The following DLGAP1 variants were observed in gnomAD, a reference collection of about 807,000 sequenced individuals.
The protein encoded by DLGAP1 is DLG associated protein 1.
DLGAP1 carries 11 observed loss-of-function variants against 90.8 expected under a neutral mutation model. That is an observed-to-expected ratio of 0.12 (90% confidence interval 0.08 to 0.20). The LOEUF is 0.20. Ranked by LOEUF, DLGAP1 falls within the 10% of genes least tolerant of loss-of-function variation. The pLI, the probability that DLGAP1 is intolerant of heterozygous loss-of-function variation, is 1.00. For missense variants in DLGAP1, 1,050 were observed against 1,333.8 expected (o/e 0.79, Z 3.31); for synonymous variants, 558 against 540.7 (o/e 1.03, Z -0.44).
At chr18:3,633,206 G>A (rs2058585369) in intron 7 of DLGAP1, among the ~76,000 whole-genome samples, 2 of 152,050 alleles carry the variant, frequency 1.3e-5, no homozygotes, top group East Asian at 3.8e-4. Context: ...GACCATCCTG[G>A]CCAACATGGT....
At chr18:3,538,212 A>C (rs1022789054) in intron 9 of DLGAP1, among the ~76,000 whole-genome samples, 1 of 152,282 alleles carries the variant, frequency 6.6e-6, no homozygotes, top group East Asian at 1.9e-4. Context: ...GATCTGTGTC[A>C]GTTATTAAGA....
At chr18:3,896,492 C>T (rs927633919) in intron 3 of DLGAP1, 13 of 152,158 alleles carry the variant, frequency 8.5e-5, no homozygotes, top group South Asian at 2.1e-4. Flanking sequence ...CCAGCTTAAA[C>T]ATTTGATGTT....
intron 7 of DLGAP1, among the ~76,000 whole-genome samples, chr18:3,687,538 A>C (rs1265158950): frequency 6.6e-6 from 1 of 152,238 alleles, no homozygotes; most frequent in Non-Finnish European, 1.5e-5. Context: ...ACAAATTTAA[A>C]ATCCTTGAGA....
At chr18:4,021,375 G>A (rs2074605595) in intron 2 of DLGAP1, among the ~76,000 whole-genome samples, 1 of 152,068 alleles carries the variant, frequency 6.6e-6, no homozygotes, top group East Asian at 1.9e-4. Context: ...AAAAGTGTGT[G>A]GTACCTCCCA....
intron 7 of DLGAP1, among the ~76,000 whole-genome samples, chr18:3,712,443 G>A (rs1377976722): frequency 1.3e-5 from 2 of 152,186 alleles, no homozygotes; most frequent in Non-Finnish European, 2.9e-5. Context: ...AGTCTCACCT[G>A]GGGCTCATGC....
At chr18:4,428,855 T>C (rs1598406311) in intron 1 of DLGAP1, among the ~76,000 whole-genome samples, 1 of 152,020 alleles carries the variant, frequency 6.6e-6, no homozygotes. Context: ...GAAAGTGGGG[T>C]TCTAGGGTTT....
intron 8 of DLGAP1, chr18:3,580,650 C>A (rs1282024736): frequency 6.2e-7 from 1 of 1,604,988 alleles, no homozygotes; most frequent in Non-Finnish European, 8.5e-7. Flanking sequence ...GACCCAGAGG[C>A]GAGGAGATTG....
At chr18:3,718,523 T>C (rs1338354652) in intron 7 of DLGAP1, among the ~76,000 whole-genome samples, 1 of 152,066 alleles carries the variant, frequency 6.6e-6, no homozygotes, top group Non-Finnish European at 1.5e-5. Flanking sequence ...TGCCCAACTA[T>C]CCACCTCTAA....
intron 4 of DLGAP1, among the ~76,000 whole-genome samples, chr18:3,852,571 G>A (rs1185673076): frequency 2.6e-5 from 4 of 152,108 alleles, no homozygotes; most frequent in Non-Finnish European, 4.4e-5. Flanking sequence ...GAGAAATGTC[G>A]GCAAAAGAAC....
chr18:3,842,891 G>A (rs1169743861), intron 4 of DLGAP1, among the ~76,000 whole-genome samples: 2 of 152,148 alleles, frequency 1.3e-5, no homozygotes, highest in Non-Finnish European at 2.9e-5. Flanking sequence ...TAATAACCAA[G>A]TCCAGTGATA....
intron 2 of DLGAP1, among the ~76,000 whole-genome samples, chr18:4,028,182 T>C (rs1194823417): frequency 6.6e-6 from 1 of 152,246 alleles, no homozygotes; most frequent in Non-Finnish European, 1.5e-5. Flanking sequence ...ATCTGAGGCC[T>C]TGGGGATTTT....
chr18:3,617,961 CG>C lies in DLGAP1; in HGVS notation c.1592-35714del, dbSNP rs919311578. Among the ~76,000 whole-genome samples, 672 of 152,208 alleles carry C rather than the reference CG, an allele frequency of 4.4e-3. 8 individuals are homozygous for C. Among genetic ancestry groups the C allele is most frequent in the African/African-American group, 0.015 (632 of 41,510 alleles). On this transcript the variant is annotated intron_variant, in intron 7 of 12. Transcript: ENST00000315677. ...TTGAGGTAGGAGAATTGTTTGAACCCGGGAGGCGGAGGTTGCTGTGAGCCAA... is the reference window on the plus strand; with the variant it reads ...TTGAGGTAGGAGAATTGTTTGAACCCGGAGGCGGAGGTTGCTGTGAGCCAA...
chr18:4,078,630 T>C (rs2075559172), intron 2 of DLGAP1, among the ~76,000 whole-genome samples: 1 of 152,180 alleles, frequency 6.6e-6, no homozygotes, highest in African/African-American at 2.4e-5. Flanking sequence ...AACTCATATA[T>C]CAGTGTGAGT....
intron 2 of DLGAP1, among the ~76,000 whole-genome samples, chr18:4,148,870 A>G (rs958055556): frequency 1.3e-5 from 2 of 152,234 alleles, no homozygotes; most frequent in Non-Finnish European, 2.9e-5. Flanking sequence ...GTCACAACAC[A>G]ACCACAGGCT....
intron 3 of DLGAP1, among the ~76,000 whole-genome samples, chr18:3,933,469 C>A (rs1296553767): frequency 1.3e-5 from 2 of 152,122 alleles, no homozygotes; most frequent in Non-Finnish European, 2.9e-5. Flanking sequence ...AATTTCACAG[C>A]CAATTTAGAA....
At chr18:3,968,025 G>A (rs1292856895) in intron 3 of DLGAP1, among the ~76,000 whole-genome samples, 6 of 151,934 alleles carry the variant, frequency 3.9e-5, no homozygotes, top group Non-Finnish European at 7.4e-5. Flanking sequence ...TCATCTTACT[G>A]CTTACTCTTC....
chr18:3,583,594 T>C (rs899162181), intron 7 of DLGAP1, among the ~76,000 whole-genome samples: 2 of 152,134 alleles, frequency 1.3e-5, no homozygotes, highest in Non-Finnish European at 2.9e-5. Flanking sequence ...TCTTCGTGGG[T>C]TTGGTCTGTA....
intron 7 of DLGAP1, among the ~76,000 whole-genome samples, chr18:3,614,139 C>T (rs1236976086): frequency 2.6e-5 from 4 of 151,942 alleles, no homozygotes; most frequent in Admixed American, 6.6e-5. Flanking sequence ...AGACTGGTCT[C>T]GAACTCCTGA....
chr18:4,062,715 T>C (rs1337077762), intron 2 of DLGAP1, among the ~76,000 whole-genome samples: 1 of 152,178 alleles, frequency 6.6e-6, no homozygotes, highest in African/African-American at 2.4e-5. Flanking sequence ...TGATTTGTTT[T>C]TAATAAAAAT....
Sources: gnomAD v4.1 joint callset for allele counts (sites outside exome capture counted in the v4.1 genomes callset) on GRCh38, gnomAD v4.1.1 for gene constraint, MANE v1.5 for transcripts, NCBI Gene and HGNC (gene_info 2026-07-23, HGNC 2026-07-21) for gene names.